TENM2: variants seen among roughly 807,000 people sequenced by gnomAD.
TENM2 encodes the protein teneurin-2.
A neutral mutation model predicts 245.2 loss-of-function variants in TENM2; 52 were observed. The ratio of observed to expected loss-of-function variants is 0.21; its 90% CI spans 0.17 to 0.27. TENM2 has a LOEUF of 0.27. TENM2 is among the 10% of genes least tolerant of loss of function. TENM2 has a pLI of 1.00. For synonymous variants in TENM2, 1,363 were observed against 1,438.9 expected, an observed-to-expected ratio of 0.95 and a Z score of 1.19; for missense variants, 3,046 against 3,666.8, an observed-to-expected ratio of 0.83 and a Z score of 4.37.
the TENM2 span, among the ~76,000 whole-genome samples, chr5:167,161,944 A>G: frequency 0.018 from 2,752 of 152,012 alleles, 88 homozygotes; most frequent in African/African-American, 0.062. Flanking sequence ...TGAGGCGGGC[A>G]GATCACAAGG....
chr5:167,318,012 C>A (rs1174728989), intron 1 of TENM2, among the ~76,000 whole-genome samples: 1 of 152,200 alleles, frequency 6.6e-6, no homozygotes, highest in Non-Finnish European at 1.5e-5. Context: ...AAAGTAGCAG[C>A]TGTGGGAGCT....
chr5:167,495,983 T>C (rs1768790224), intron 2 of TENM2, among the ~76,000 whole-genome samples: 1 of 152,038 alleles, frequency 6.6e-6, no homozygotes, highest in Non-Finnish European at 1.5e-5. Context: ...CATGCTTTCC[T>C]CTACCATATA....
At chr5:167,178,101 C>G in the TENM2 span, among the ~76,000 whole-genome samples, 5 of 152,130 alleles carry the variant, frequency 3.3e-5, no homozygotes, top group Non-Finnish European at 4.4e-5. Flanking sequence ...ACATATTATT[C>G]CCTAAGTCCA....
intron 2 of TENM2, among the ~76,000 whole-genome samples, chr5:167,417,504 T>G (rs1763230367): frequency 6.6e-6 from 1 of 152,176 alleles, no homozygotes; most frequent in Admixed American, 6.6e-5. Flanking sequence ...CCTACAGAAC[T>G]TATGTGCTTT....
chr5:167,106,752 G>C, the TENM2 span, among the ~76,000 whole-genome samples: 3 of 151,864 alleles, frequency 2.0e-5, no homozygotes, highest in African/African-American at 7.3e-5. Context: ...TGGCAATAGA[G>C]GTGAAGAGGG....
intron 25 of TENM2, among the ~76,000 whole-genome samples, chr5:168,243,556 T>C (rs1766289134): frequency 6.6e-6 from 1 of 152,228 alleles, no homozygotes; most frequent in South Asian, 2.1e-4. Context: ...TCCACTCTTC[T>C]AGGTAACTTT....
chr5:168,013,967 A>G (rs1284361068), intron 5 of TENM2, among the ~76,000 whole-genome samples: 1 of 152,162 alleles, frequency 6.6e-6, no homozygotes, highest in African/African-American at 2.4e-5. Flanking sequence ...GCCTGCCTTT[A>G]TATCTGTCCC....
chr5:167,170,775 A>G, the TENM2 span, among the ~76,000 whole-genome samples: 1 of 152,206 alleles, frequency 6.6e-6, no homozygotes, highest in Non-Finnish European at 1.5e-5. Context: ...GTCAAAGTCC[A>G]CCACGAACCT....
At chr5:167,242,659 T>C in the TENM2 span, among the ~76,000 whole-genome samples, 1 of 152,216 alleles carries the variant, frequency 6.6e-6, no homozygotes, top group Non-Finnish European at 1.5e-5. Flanking sequence ...CTTTATGATT[T>C]CTTAAGGACA....
At position 168,244,217 on chromosome 5, in the gene TENM2, G is replaced by A. The variant is rs769301045; in HGVS notation, c.5521-203G>A. 2.6e-5 allele frequency among the ~76,000 whole-genome samples: 4 copies of A among 152,098 alleles called. No homozygotes were observed. Among genetic ancestry groups the A allele is most frequent in the Non-Finnish European group, 2.9e-5 (2 of 68,000 alleles). On this transcript the variant is annotated intron_variant, in intron 25 of 28. Coordinates refer to ENST00000518659, the Ensembl canonical transcript of TENM2. The surrounding 1 kb of genome is among the most constrained non-coding windows in gnomAD (Gnocchi z 4.9). ...CTCCCACAGTGCTAGGATTACAGGCGTGAGCCACCACACCCGGCCAAATTT... is the reference window on the plus strand; with the variant it reads ...CTCCCACAGTGCTAGGATTACAGGCATGAGCCACCACACCCGGCCAAATTT...
intron 2 of TENM2, among the ~76,000 whole-genome samples, chr5:167,871,112 A>C (rs1417768699): frequency 6.6e-6 from 1 of 152,166 alleles, no homozygotes; most frequent in Non-Finnish European, 1.5e-5. Context: ...TTAAAGAGCA[A>C]AATGGTTCTG....
intron 5 of TENM2, among the ~76,000 whole-genome samples, chr5:168,030,181 T>TTC: frequency 1.4e-5 from 2 of 141,074 alleles, no homozygotes; most frequent in African/African-American, 2.7e-5. Flanking sequence ...TTTTTTTTTT[T>TTC]TTTTTTCATC....
chr5:167,974,063 G>A (rs1171551536), intron 4 of TENM2, among the ~76,000 whole-genome samples: 3 of 14,146 alleles, frequency 2.1e-4, no homozygotes, highest in African/African-American at 3.4e-4. Context: ...GGAAAGGAGG[G>A]AGGGAGGGAG....
intron 1 of TENM2, among the ~76,000 whole-genome samples, chr5:167,294,047 T>C (rs781016605): frequency 2.0e-5 from 3 of 152,110 alleles, no homozygotes; most frequent in Non-Finnish European, 2.9e-5. Context: ...GGTAACTTTA[T>C]TTGCAAAGCT....
intron 3 of TENM2, among the ~76,000 whole-genome samples, chr5:167,913,520 A>C (rs1776705177): frequency 6.6e-6 from 1 of 152,234 alleles, no homozygotes. Context: ...CTTTACTGCC[A>C]ATTTCTGAAT....
chr5:168,215,124 C>A (rs767582267), exon 21 of TENM2: 1 of 1,613,942 alleles, frequency 6.2e-7, no homozygotes, highest in Admixed American at 1.7e-5. Context: ...GCAGGAGAAT[C>A]TACCGCGTCA....
intron 2 of TENM2, among the ~76,000 whole-genome samples, chr5:167,792,505 G>A (rs1453131432): frequency 2.0e-5 from 3 of 152,066 alleles, no homozygotes; most frequent in South Asian, 2.1e-4. Flanking sequence ...TGATCGTCAC[G>A]TGTGGCTCCA....
chr5:168,025,366 G>A (rs1786513111), intron 5 of TENM2, among the ~76,000 whole-genome samples: 1 of 152,222 alleles, frequency 6.6e-6, no homozygotes. Flanking sequence ...GTGGAAAAGT[G>A]TTTGACACTT....
chr5:167,003,284 A>C, the TENM2 span, among the ~76,000 whole-genome samples: 1 of 152,182 alleles, frequency 6.6e-6, no homozygotes, highest in African/African-American at 2.4e-5. Flanking sequence ...GTCTTCACCC[A>C]AGAACACTTA....
Sources: gnomAD v4.1 joint callset for allele counts (sites outside exome capture counted in the v4.1 genomes callset) on GRCh38, gnomAD v4.1.1 for gene constraint, Gnocchi (gnomAD v3.1) non-coding constraint, MANE v1.5 for transcripts, NCBI Gene and HGNC (gene_info 2026-07-23, HGNC 2026-07-21) for gene names.